Variants in THSD4 observed in about 807,000 individuals in gnomAD.
THSD4 encodes the protein thrombospondin type-1 domain-containing protein 4.
Under a neutral mutation model 119.0 loss-of-function variants are expected in THSD4, and 69 were observed. That is an observed-to-expected ratio of 0.58 (90% CI 0.48 to 0.71). The LOEUF is 0.71. THSD4 is among the 30% of genes least tolerant of loss of function. The probability of loss-of-function intolerance (pLI) is 0.00; values close to 1 mark genes in which losing one functional copy is unlikely to be tolerated. For missense variants in THSD4, 1,393 were observed against 1,391.1 expected, an observed-to-expected ratio of 1.00 and a Z score of -0.02; for synonymous variants, 524 against 540.4, an observed-to-expected ratio of 0.97 and a Z score of 0.42.
At chr15:71,285,721 G>T (rs1189079321) in intron 6 of THSD4, among the ~76,000 whole-genome samples, 1 of 151,992 alleles carries the variant, frequency 6.6e-6, no homozygotes, top group Admixed American at 6.6e-5. Context: ...GGGCGTAGTG[G>T]TGTGCACCTG....
At chr15:71,653,006 G>T (rs1419344199) in intron 7 of THSD4, among the ~76,000 whole-genome samples, 1 of 152,068 alleles carries the variant, frequency 6.6e-6, no homozygotes, top group Non-Finnish European at 1.5e-5. Flanking sequence ...CTTTTTAAAA[G>T]AAAAATTTTG....
chr15:71,560,708 G>T (rs1376010332), intron 7 of THSD4, among the ~76,000 whole-genome samples: 1 of 152,068 alleles, frequency 6.6e-6, no homozygotes, highest in Non-Finnish European at 1.5e-5. Context: ...CTCTGTGTGG[G>T]TATGCTCTTA....
intron 6 of THSD4, among the ~76,000 whole-genome samples, chr15:71,411,332 A>T (rs1464022238): frequency 6.6e-6 from 1 of 152,204 alleles, no homozygotes; most frequent in Admixed American, 6.5e-5. Context: ...ATGCACTTTT[A>T]AAAAGTGTGT....
At chr15:71,551,365 G>T (rs565767513) in intron 7 of THSD4, among the ~76,000 whole-genome samples, 1 of 152,150 alleles carries the variant, frequency 6.6e-6, no homozygotes, top group African/African-American at 2.4e-5. Context: ...GAATGATCAT[G>T]CAATAAGGGT....
intron 4 of THSD4, among the ~76,000 whole-genome samples, chr15:71,220,333 C>T (rs532055583): frequency 1.3e-5 from 2 of 152,282 alleles, no homozygotes; most frequent in Non-Finnish European, 2.9e-5. Flanking sequence ...AGTCCACTTG[C>T]TTCCATATCA....
chr15:71,400,700 C>T lies in THSD4; in HGVS notation c.1016-10987C>T, dbSNP rs372500651. Among the ~76,000 whole-genome samples, 39 of 152,184 alleles carry T rather than the reference C, an allele frequency of 2.6e-4. No individual in the cohort carries two copies. In the East Asian group the frequency reaches 7.1e-3, roughly 28 times the overall value. ...GCATATACACTTAAGACATTGTATC[C>T]ACATGTTTCTAATTCATTTACACTT... On this transcript the variant is annotated intron_variant, in intron 6 of 17. Transcript: ENST00000261862.
chr15:71,523,241 C>A (rs1015627177), intron 7 of THSD4, among the ~76,000 whole-genome samples: 3 of 152,206 alleles, frequency 2.0e-5, no homozygotes, highest in Non-Finnish European at 2.9e-5. Flanking sequence ...TGTGCTGCCT[C>A]CTGAGGCTCC....
At chr15:71,518,730 G>A (rs12913071) in intron 7 of THSD4, among the ~76,000 whole-genome samples, 16,872 of 152,136 alleles carry the variant, frequency 0.11, 1,034 homozygotes, top group East Asian at 0.24. Flanking sequence ...ATTTCTCAAA[G>A]GCAACACAGT....
At chr15:71,541,686 C>T (rs2048762849) in intron 7 of THSD4, among the ~76,000 whole-genome samples, 1 of 152,168 alleles carries the variant, frequency 6.6e-6, no homozygotes, top group Non-Finnish European at 1.5e-5. Flanking sequence ...ACAAATTATT[C>T]AATTAGTCTC....
chr15:71,304,552 C>T (rs1269333585), intron 6 of THSD4, among the ~76,000 whole-genome samples: 1 of 152,108 alleles, frequency 6.6e-6, no homozygotes, highest in Non-Finnish European at 1.5e-5. Flanking sequence ...TTCTTTTCCT[C>T]CTTTCTTGTT....
chr15:71,251,831 G>T (rs2044263467), intron 5 of THSD4, among the ~76,000 whole-genome samples: 1 of 152,082 alleles, frequency 6.6e-6, no homozygotes, highest in East Asian at 1.9e-4. Context: ...ATTAACCAGG[G>T]TCACTAGAAA....
At chr15:71,272,450 G>A (rs575567659) in intron 6 of THSD4, among the ~76,000 whole-genome samples, 1 of 147,270 alleles carries the variant, frequency 6.8e-6, no homozygotes, top group South Asian at 2.2e-4. Context: ...GAGGGGCAAA[G>A]GACCTGAATA....
intron 2 of THSD4, among the ~76,000 whole-genome samples, chr15:71,146,754 A>G (rs1425352638): frequency 6.6e-6 from 1 of 152,238 alleles, no homozygotes; most frequent in East Asian, 1.9e-4. Flanking sequence ...AGTGGTAGGC[A>G]TAGAGGCTAG....
chr15:71,424,281 C>T (rs1465155871), intron 7 of THSD4, among the ~76,000 whole-genome samples: 4 of 151,976 alleles, frequency 2.6e-5, no homozygotes, highest in Admixed American at 6.6e-5. Flanking sequence ...ACTTTAGACC[C>T]GAGAGCTGAA....
At chr15:71,448,630 C>T (rs1205751558) in intron 7 of THSD4, among the ~76,000 whole-genome samples, 3 of 152,070 alleles carry the variant, frequency 2.0e-5, no homozygotes, top group South Asian at 2.1e-4. Context: ...AGACATGCAA[C>T]GTGAAGCAAG....
At chr15:71,684,643 G>A (rs1419905465) in intron 8 of THSD4, among the ~76,000 whole-genome samples, 2 of 151,250 alleles carry the variant, frequency 1.3e-5, no homozygotes, top group African/African-American at 2.4e-5. Context: ...CTTGCTGAAT[G>A]GTTTTTTTAA....
At chr15:71,147,090 T>C (rs982482545) in intron 2 of THSD4, among the ~76,000 whole-genome samples, 1 of 152,256 alleles carries the variant, frequency 6.6e-6, no homozygotes, top group Non-Finnish European at 1.5e-5. Context: ...AGAAATCTGC[T>C]TTTTACCATT....
intron 7 of THSD4, among the ~76,000 whole-genome samples, chr15:71,635,764 CATG>C (rs1352161557): frequency 6.6e-6 from 1 of 152,196 alleles, no homozygotes; most frequent in East Asian, 1.9e-4. Flanking sequence ...TAGTCACAAT[CATG>C]ATATTAATGG....
chr15:71,622,186 G>T (rs550025922), intron 7 of THSD4, among the ~76,000 whole-genome samples: 2 of 152,192 alleles, frequency 1.3e-5, no homozygotes, highest in East Asian at 1.9e-4. Context: ...TATCACATGT[G>T]CCATGAATTT....
Sources: gnomAD v4.1 joint callset for allele counts (sites outside exome capture counted in the v4.1 genomes callset) on GRCh38, gnomAD v4.1.1 for gene constraint, MANE v1.5 for transcripts, NCBI Gene and HGNC (gene_info 2026-07-23, HGNC 2026-07-21) for gene names.